GABRB1: variants seen among roughly 807,000 people sequenced by gnomAD.
The protein encoded by GABRB1 is gamma-aminobutyric acid type A receptor subunit beta1, also known as gamma-aminobutyric acid receptor subunit beta-1.
In GABRB1, 17 loss-of-function variants were observed where a neutral mutation model predicts 51.6. The ratio of observed to expected loss-of-function variants is 0.33; its 90% CI spans 0.23 to 0.49. The LOEUF is 0.49. GABRB1 is among the 20% of genes least tolerant of loss of function. The pLI is 0.99. For missense variants in GABRB1, 410 were observed against 600.6 expected (o/e 0.68, Z 3.32); for synonymous variants, 247 against 218.9 (o/e 1.13, Z -1.14).
At chr4:47,135,592 T>G (rs1338634907) in intron 3 of GABRB1, among the ~76,000 whole-genome samples, 2 of 152,148 alleles carry the variant, frequency 1.3e-5, no homozygotes, top group African/African-American at 4.8e-5. Flanking sequence ...CTCTTCAATC[T>G]GTCTCTTCTA....
At chr4:47,181,786 T>G (rs1253740129) in intron 4 of GABRB1, among the ~76,000 whole-genome samples, 1 of 152,064 alleles carries the variant, frequency 6.6e-6, no homozygotes, top group Non-Finnish European at 1.5e-5. Context: ...TATCTGTGTG[T>G]TTGCTAAATT....
intron 3 of GABRB1, among the ~76,000 whole-genome samples, chr4:47,073,183 A>T (rs965253215): frequency 7.9e-5 from 12 of 152,194 alleles, no homozygotes; most frequent in Non-Finnish European, 2.9e-5. Context: ...GGCATAAGGA[A>T]GTAAGCTCAT....
At chr4:47,074,332 T>C (rs1727464519) in intron 3 of GABRB1, among the ~76,000 whole-genome samples, 1 of 152,228 alleles carries the variant, frequency 6.6e-6, no homozygotes. Flanking sequence ...TAAAGTATTT[T>C]GTAGCTTTTT....
intron 4 of GABRB1, among the ~76,000 whole-genome samples, chr4:47,201,166 CA>C (rs1056410633): frequency 7.9e-5 from 12 of 151,382 alleles, no homozygotes; most frequent in African/African-American, 2.4e-4. Context: ...TGTAAGGATA[CA>C]AAAAAAATAT....
intron 1 of GABRB1, among the ~76,000 whole-genome samples, chr4:47,007,295 G>GTGA (rs1034301369): frequency 3.3e-5 from 5 of 152,168 alleles, no homozygotes; most frequent in Non-Finnish European, 7.3e-5. Flanking sequence ...ATATTTCAAA[G>GTGA]TGATAAAGAG....
chr4:47,150,310 TCACACACACACACA>T (rs36066411), intron 3 of GABRB1, among the ~76,000 whole-genome samples: 15 of 138,540 alleles, frequency 1.1e-4, no homozygotes, highest in Non-Finnish European at 1.7e-4. Context: ...TGAGAATCCA[TCACACACACACACA>T]CACACACACA....
intron 3 of GABRB1, among the ~76,000 whole-genome samples, chr4:47,099,500 T>C (rs1577907728): frequency 6.6e-6 from 1 of 152,262 alleles, no homozygotes; most frequent in East Asian, 1.9e-4. Context: ...AGGAAGTTCA[T>C]AATGACCATT....
At chr4:47,373,957 G>A (rs112661623) in intron 5 of GABRB1, among the ~76,000 whole-genome samples, 21 of 152,124 alleles carry the variant, frequency 1.4e-4, no homozygotes, top group African/African-American at 5.1e-4. Flanking sequence ...CTAAGGTATT[G>A]GGATGGTTGA....
chr4:47,025,502 A>T (rs1027685754), intron 1 of GABRB1, among the ~76,000 whole-genome samples: 1 of 151,604 alleles, frequency 6.6e-6, no homozygotes, highest in African/African-American at 2.4e-5. Flanking sequence ...ATAAACTTGA[A>T]TTTTTTTTCC....
intron 3 of GABRB1, among the ~76,000 whole-genome samples, chr4:47,070,485 C>A (rs186380340): frequency 6.6e-6 from 1 of 152,242 alleles, no homozygotes; most frequent in Admixed American, 6.5e-5. Flanking sequence ...GCGCCAGCTA[C>A]CATGCCCGGC....
At chr4:47,052,372 G>A (rs558302457) in intron 3 of GABRB1, among the ~76,000 whole-genome samples, 1 of 152,302 alleles carries the variant, frequency 6.6e-6, no homozygotes, top group Admixed American at 6.5e-5. Flanking sequence ...ATCTCCTTCT[G>A]AGGCTGCAAA....
At chr4:47,354,974 TCC>T (rs1726500029) in intron 5 of GABRB1, among the ~76,000 whole-genome samples, 6 of 133,892 alleles carry the variant, frequency 4.5e-5, no homozygotes, top group African/African-American at 1.4e-4. Flanking sequence ...CTTTCTTTCT[TCC>T]TTTGTTTTTT....
chr4:47,113,807 T>A (rs1715345119), intron 3 of GABRB1, among the ~76,000 whole-genome samples: 1 of 152,214 alleles, frequency 6.6e-6, no homozygotes, highest in Non-Finnish European at 1.5e-5. Flanking sequence ...TTACCAAATA[T>A]TTTCTATTTT....
At chr4:47,424,839 G>A (rs1006921395) in intron 8 of GABRB1, among the ~76,000 whole-genome samples, 6 of 152,084 alleles carry the variant, frequency 3.9e-5, no homozygotes, top group African/African-American at 1.4e-4. Flanking sequence ...AGACTGTGTG[G>A]GCATAGCATA....
chr4:47,375,046 A>C (rs1727332340), intron 5 of GABRB1, among the ~76,000 whole-genome samples: 1 of 152,254 alleles, frequency 6.6e-6, no homozygotes, highest in Non-Finnish European at 1.5e-5. Flanking sequence ...AGCGATGTGC[A>C]TTTATAGACC....
chr4:47,354,246 T>C (rs948225367), intron 5 of GABRB1, among the ~76,000 whole-genome samples: 28 of 152,220 alleles, frequency 1.8e-4, no homozygotes, highest in African/African-American at 6.8e-4. Context: ...GTATTTAATA[T>C]GCTTAATATT....
intron 4 of GABRB1, among the ~76,000 whole-genome samples, chr4:47,224,876 T>TTGTTGC (rs1188829145): frequency 2.0e-5 from 3 of 152,168 alleles, no homozygotes; most frequent in Non-Finnish European, 4.4e-5. Flanking sequence ...ATTTTGTCTT[T>TTGTTGC]TGTTGCTGTT....
chr4:47,124,340 G>A (rs1716012693), intron 3 of GABRB1, among the ~76,000 whole-genome samples: 1 of 152,036 alleles, frequency 6.6e-6, no homozygotes, highest in Admixed American at 6.6e-5. Flanking sequence ...CCTGGAGGCA[G>A]TACCATTAGC....
At chr4:47,324,168 A>C (rs1452531742) in intron 5 of GABRB1, among the ~76,000 whole-genome samples, 2 of 152,124 alleles carry the variant, frequency 1.3e-5, no homozygotes, top group Non-Finnish European at 2.9e-5. Flanking sequence ...TTCAGGCCTG[A>C]AATCTCTCAT....
Sources: allele counts gnomAD v4.1 joint callset (sites outside exome capture counted in the v4.1 genomes callset), GRCh38; gene constraint gnomAD v4.1.1; transcripts MANE v1.5; gene names NCBI Gene and HGNC (gene_info 2026-07-23, HGNC 2026-07-21).